Variants in CNTN4 observed in about 807,000 individuals in gnomAD.
CNTN4 encodes contactin 4.
CNTN4 carries 77 observed loss-of-function variants against 122.5 expected under a neutral mutation model. The ratio of observed to expected loss-of-function variants is 0.63; its 90% CI spans 0.52 to 0.76. The LOEUF (loss-of-function observed/expected upper bound fraction) is 0.76, where lower values mean the gene tolerates loss of function less well. CNTN4 is among the 30% of genes least tolerant of loss of function. CNTN4 has a pLI of 0.00. For synonymous variants in CNTN4, 512 were observed against 447.0 expected (o/e 1.15, Z -1.83); for missense variants, 1,256 against 1,259.1 (o/e 1.00, Z 0.04).
intron 13 of CNTN4, among the ~76,000 whole-genome samples, chr3:2,946,464 A>G: frequency 6.6e-6 from 1 of 152,214 alleles, no homozygotes; most frequent in East Asian, 1.9e-4. Flanking sequence ...ACTGTAAAGC[A>G]ATAAAGCTTT....
intron 4 of CNTN4, among the ~76,000 whole-genome samples, chr3:2,675,218 G>T (rs1217122852): frequency 1.3e-5 from 2 of 151,504 alleles, no homozygotes; most frequent in Non-Finnish European, 2.9e-5. Context: ...GGCCCTTCCT[G>T]CCTCTCCTCA....
chr3:2,756,117 G>C (rs1360273347), intron 6 of CNTN4, among the ~76,000 whole-genome samples: 2 of 152,166 alleles, frequency 1.3e-5, no homozygotes, highest in African/African-American at 4.8e-5. Flanking sequence ...CATTTGAGAG[G>C]TTATGGTGCT....
chr3:2,400,655 G>A (rs1230299145), intron 3 of CNTN4, among the ~76,000 whole-genome samples: 1 of 150,328 alleles, frequency 6.7e-6, no homozygotes, highest in African/African-American at 2.4e-5. Flanking sequence ...ATGTTCTCAT[G>A]TATGAGTAAT....
intron 3 of CNTN4, among the ~76,000 whole-genome samples, chr3:2,422,834 G>A (rs550302849): frequency 7.9e-5 from 12 of 152,210 alleles, no homozygotes; most frequent in Non-Finnish European, 1.3e-4. Context: ...AGACATGGAG[G>A]GACCATCAGG....
At chr3:2,231,701 A>G (rs989546683) in intron 2 of CNTN4, among the ~76,000 whole-genome samples, 2 of 152,186 alleles carry the variant, frequency 1.3e-5, no homozygotes, top group Non-Finnish European at 2.9e-5. Flanking sequence ...TTTTCTTCAC[A>G]TATTTTTCTT....
Position 2,530,588 on chromosome 3 carries a change from G to A in CNTN4, c.-88-40828G>A, listed in dbSNP as rs755447518. ...CTCCCAAAGTGCTGGGATTACAAGCGTAAGCCACCGCACCTGGCCTCTATT... is the reference window on the plus strand; with the variant it reads ...CTCCCAAAGTGCTGGGATTACAAGCATAAGCCACCGCACCTGGCCTCTATT... On this transcript the variant is annotated intron_variant, in intron 3 of 24. Coordinates refer to ENST00000418658, the MANE Select transcript of CNTN4 (RefSeq NM_175607.3). Among the ~76,000 whole-genome samples the A allele has an allele frequency of 3.3e-5, 5 of 152,122 alleles. No homozygotes were observed. In the East Asian group the frequency reaches 5.8e-4, roughly 18 times the overall value.
intron 4 of CNTN4, among the ~76,000 whole-genome samples, chr3:2,600,865 G>A (rs1226116307): frequency 1.3e-5 from 2 of 152,114 alleles, no homozygotes; most frequent in Non-Finnish European, 2.9e-5. Context: ...AGCACCTGTC[G>A]TTTCCTGGCT....
chr3:3,052,633 C>A (rs2125900934), intron 23 of CNTN4, among the ~76,000 whole-genome samples: 1 of 152,286 alleles, frequency 6.6e-6, no homozygotes, highest in Non-Finnish European at 1.5e-5. Flanking sequence ...TCACAGCAGG[C>A]AATCCCAGGT....
chr3:2,983,253 A>G (rs1694222645), intron 13 of CNTN4, among the ~76,000 whole-genome samples: 2 of 125,304 alleles, frequency 1.6e-5, no homozygotes, highest in Admixed American at 1.7e-4. Context: ...AAAAAAAAAA[A>G]AAGCACAAAG....
chr3:2,584,126 T>C (rs2080070114), intron 4 of CNTN4, among the ~76,000 whole-genome samples: 1 of 152,234 alleles, frequency 6.6e-6, no homozygotes, highest in Admixed American at 6.5e-5. Context: ...CACTTAATAA[T>C]AATGTCTATT....
At chr3:2,195,911 T>C (rs1240488002) in intron 2 of CNTN4, among the ~76,000 whole-genome samples, 1 of 152,240 alleles carries the variant, frequency 6.6e-6, no homozygotes, top group Non-Finnish European at 1.5e-5. Flanking sequence ...CAACTTTCTC[T>C]GTGAATTTTC....
chr3:2,667,609 G>C (rs1237329658), intron 4 of CNTN4, among the ~76,000 whole-genome samples: 2 of 150,584 alleles, frequency 1.3e-5, no homozygotes, highest in East Asian at 3.9e-4. Flanking sequence ...GATCCCATTT[G>C]TCAATTTTGG....
At chr3:2,746,143 G>GAACAAATTTTACACACACACACAC (rs71058639) in intron 6 of CNTN4, among the ~76,000 whole-genome samples, 2 of 149,906 alleles carry the variant, frequency 1.3e-5, no homozygotes, top group Admixed American at 6.6e-5. Context: ...GCGAGCAATT[G>GAACAAATTTTACACACACACACAC]AGCTGCCAGT....
intron 2 of CNTN4, among the ~76,000 whole-genome samples, chr3:2,206,843 TTGCA>T (rs2038368622): frequency 6.6e-6 from 1 of 151,840 alleles, no homozygotes; most frequent in Non-Finnish European, 1.5e-5. Context: ...CCTCATCCGA[TTGCA>T]GTTTGCATTA....
At chr3:2,340,237 A>T (rs2044131794) in intron 3 of CNTN4, among the ~76,000 whole-genome samples, 1 of 152,190 alleles carries the variant, frequency 6.6e-6, no homozygotes, top group African/African-American at 2.4e-5. Context: ...TAGTGAAATT[A>T]AAGTTAATTA....
At chr3:2,252,977 A>T (rs2040434077) in intron 2 of CNTN4, among the ~76,000 whole-genome samples, 1 of 152,128 alleles carries the variant, frequency 6.6e-6, no homozygotes, top group African/African-American at 2.4e-5. Flanking sequence ...TCACAAAAGA[A>T]TACCAGTAAT....
intron 6 of CNTN4, among the ~76,000 whole-genome samples, chr3:2,770,494 C>T (rs554351981): frequency 2.0e-5 from 3 of 152,204 alleles, no homozygotes; most frequent in South Asian, 2.1e-4. Context: ...GTTATAAAAT[C>T]CCTCATCAGT....
intron 14 of CNTN4, among the ~76,000 whole-genome samples, chr3:3,019,128 T>C (rs181450286): frequency 6.6e-6 from 1 of 152,144 alleles, no homozygotes; most frequent in East Asian, 1.9e-4. Flanking sequence ...CTGATATATG[T>C]AGAAGGAAAG....
chr3:2,824,772 C>T (rs1236167536), intron 7 of CNTN4, among the ~76,000 whole-genome samples: 2 of 151,872 alleles, frequency 1.3e-5, no homozygotes, highest in Non-Finnish European at 2.9e-5. Flanking sequence ...AGCTGATTCT[C>T]CCACCTCAGC....
Sources: allele counts gnomAD v4.1 joint callset (sites outside exome capture counted in the v4.1 genomes callset), GRCh38; gene constraint gnomAD v4.1.1; transcripts MANE v1.5; gene names NCBI Gene and HGNC (gene_info 2026-07-23, HGNC 2026-07-21).